ATP8A1: variants seen among roughly 807,000 people sequenced by gnomAD.
The protein encoded by ATP8A1 is ATPase phospholipid transporting 8A1.
In ATP8A1, 90 loss-of-function variants were observed where a neutral mutation model predicts 177.7. That is an observed-to-expected ratio of 0.51 (90% CI 0.43 to 0.60). ATP8A1 has a LOEUF of 0.60. Among genes scored for constraint, ATP8A1 ranks in the 20% least tolerant of loss-of-function variants. The probability of loss-of-function intolerance (pLI) is 0.00; values close to 1 mark genes in which losing one functional copy is unlikely to be tolerated. For missense variants in ATP8A1, 1,072 were observed against 1,392.8 expected (o/e 0.77, Z 3.67); for synonymous variants, 493 against 485.9 (o/e 1.01, Z -0.19).
chr4:42,464,451 G>A (rs1719511118), intron 27 of ATP8A1, among the ~76,000 whole-genome samples: 1 of 152,020 alleles, frequency 6.6e-6, no homozygotes, highest in Non-Finnish European at 1.5e-5. Flanking sequence ...TTTTAGTAGA[G>A]ACGAGGTTTC....
chr4:42,518,711 C>T (rs1029846457), intron 22 of ATP8A1, among the ~76,000 whole-genome samples: 5 of 152,130 alleles, frequency 3.3e-5, no homozygotes, highest in African/African-American at 7.2e-5. Flanking sequence ...TTATGGTCTA[C>T]GTAAAAATAG....
intron 25 of ATP8A1, among the ~76,000 whole-genome samples, chr4:42,485,239 T>C (rs1722072593): frequency 6.6e-6 from 1 of 152,184 alleles, no homozygotes; most frequent in African/African-American, 2.4e-5. Context: ...TGCAGGTAGA[T>C]AATGAATTTT....
At chr4:42,628,062 G>C (rs1369102416) in intron 1 of ATP8A1, among the ~76,000 whole-genome samples, 1 of 152,062 alleles carries the variant, frequency 6.6e-6, no homozygotes, top group Non-Finnish European at 1.5e-5. Context: ...ACCAGAATGG[G>C]AACTCCCTAG....
At chr4:42,578,429 T>G (rs199996393) in intron 11 of ATP8A1, 42 bp from the exon 12 acceptor site, 2 of 1,595,820 alleles carry the variant, frequency 1.3e-6, no homozygotes, top group African/African-American at 1.4e-5. Context: ...CAGTTTTATA[T>G]TTTATTTGCA....
chr4:42,518,211 C>T (rs926132177), intron 22 of ATP8A1, among the ~76,000 whole-genome samples: 4 of 152,164 alleles, frequency 2.6e-5, no homozygotes, highest in African/African-American at 7.2e-5. Flanking sequence ...TATAACATTT[C>T]CTCTTATTTT....
rs1056134348 is a variant in ATP8A1, at chr4:42,625,503, C to T, written c.264+111G>A. On this transcript the variant is annotated intron_variant, in intron 3 of 36. Transcript: ENST00000381668. Reference sequence around the variant, plus strand: ...GCTTGCAGCAGGAGCCAGAAATGTCCACCAAAACCAGCTTATCTCTCGGCA... The same window carrying T: ...GCTTGCAGCAGGAGCCAGAAATGTCTACCAAAACCAGCTTATCTCTCGGCA... 3 of 623,950 alleles carry T rather than the reference C, an allele frequency of 4.8e-6. No individual in the cohort carries two copies. In the African/African-American group the frequency reaches 5.7e-5, roughly 12 times the overall value. 38.7% of individuals were successfully genotyped at this position (623,950 alleles called of 1,614,324 possible).
chr4:42,612,148 A>G (rs1202492221), intron 5 of ATP8A1, among the ~76,000 whole-genome samples: 1 of 152,148 alleles, frequency 6.6e-6, no homozygotes, highest in Non-Finnish European at 1.5e-5. Flanking sequence ...TTTATCAGTG[A>G]CTGTGAAAGT....
At chr4:42,539,010 G>A (rs772339898) in intron 20 of ATP8A1, among the ~76,000 whole-genome samples, 3 of 152,030 alleles carry the variant, frequency 2.0e-5, no homozygotes, top group Non-Finnish European at 2.9e-5. Flanking sequence ...CAGCCCAGAC[G>A]CCCATAAATC....
intron 1 of ATP8A1, among the ~76,000 whole-genome samples, chr4:42,646,830 C>A (rs574491349): frequency 1.3e-5 from 2 of 152,184 alleles, no homozygotes; most frequent in African/African-American, 2.4e-5. Flanking sequence ...AAAACAGACA[C>A]CTCTCTTTGC....
chr4:42,598,223 T>C (rs1280532439), intron 6 of ATP8A1, among the ~76,000 whole-genome samples: 3 of 152,148 alleles, frequency 2.0e-5, no homozygotes, highest in Non-Finnish European at 2.9e-5. Flanking sequence ...TTAGCATAGG[T>C]TGTGACTTAG....
chr4:42,436,798 A>T (rs1716049820), intron 33 of ATP8A1, among the ~76,000 whole-genome samples: 1 of 152,222 alleles, frequency 6.6e-6, no homozygotes, highest in African/African-American at 2.4e-5. Context: ...AAATTACCAC[A>T]TGCTACGGAG....
chr4:42,456,278 C>G (rs1214887240), intron 27 of ATP8A1, among the ~76,000 whole-genome samples: 1 of 152,084 alleles, frequency 6.6e-6, no homozygotes, highest in Non-Finnish European at 1.5e-5. Flanking sequence ...ATAAATAACT[C>G]TAAACTGAAA....
At chr4:42,480,161 A>C (rs1045390197) in intron 25 of ATP8A1, among the ~76,000 whole-genome samples, 7 of 152,238 alleles carry the variant, frequency 4.6e-5, no homozygotes, top group Admixed American at 1.3e-4. Context: ...TTTTATTGTC[A>C]AATATAGACT....
At chr4:42,473,625 T>A (rs906909904) in intron 25 of ATP8A1, among the ~76,000 whole-genome samples, 1 of 151,796 alleles carries the variant, frequency 6.6e-6, no homozygotes, top group Non-Finnish European at 1.5e-5. Context: ...GGGATAAAGT[T>A]TTTTTATTTA....
intron 33 of ATP8A1, among the ~76,000 whole-genome samples, chr4:42,432,599 A>G (rs1439248259): frequency 6.6e-6 from 1 of 152,200 alleles, no homozygotes; most frequent in Non-Finnish European, 1.5e-5. Context: ...GTAGTTGGGC[A>G]TGGGGTTGAA....
chr4:42,505,330 C>T lies in ATP8A1; in HGVS notation c.2086+1686G>A, dbSNP rs556994003. Reference sequence around the variant, plus strand: ...AAATGTTAAATGTTACCAGAAACCACTACTATACTCTTTTTTCATAGGAAC... The same window carrying T: ...AAATGTTAAATGTTACCAGAAACCATTACTATACTCTTTTTTCATAGGAAC... On this transcript the variant is annotated intron_variant, in intron 23 of 36. Coordinates refer to ENST00000381668, the MANE Select transcript of ATP8A1 (RefSeq NM_006095.2). 2.6e-5 allele frequency among the ~76,000 whole-genome samples: 4 copies of T among 152,304 alleles called. No individual in the cohort carries two copies. The South Asian group carries it at 6.2e-4, about 24-fold the overall frequency.
chr4:42,534,273 T>G (rs1407153555), intron 20 of ATP8A1, among the ~76,000 whole-genome samples: 2 of 151,784 alleles, frequency 1.3e-5, no homozygotes, highest in African/African-American at 2.4e-5. Context: ...ATCCAAAAAA[T>G]GATGCAGGAT....
intron 35 of ATP8A1, among the ~76,000 whole-genome samples, chr4:42,422,011 GTCAGT>G (rs991840214): frequency 8.8e-4 from 134 of 152,098 alleles, no homozygotes; most frequent in African/African-American, 3.2e-3. Flanking sequence ...ACATATCTAG[GTCAGT>G]TCCTAATAAC....
At position 42,575,621 on chromosome 4, in the gene ATP8A1, C is replaced by T; in HGVS notation, c.1206+1G>A. 1.9e-6 allele frequency: 3 copies of T among 1,612,828 alleles called. No individual in the cohort carries two copies. The highest frequency in any genetic ancestry group is 2.5e-6 in the Non-Finnish European group (3 of 1,179,118). Reference sequence around the variant, plus strand: ...CATAATCAACAATAAATTGAGTTTACCTGGCCAAGTTCCTCATTCAGATTA... The same window carrying T: ...CATAATCAACAATAAATTGAGTTTATCTGGCCAAGTTCCTCATTCAGATTA... On this transcript the variant is annotated splice_donor_variant, in intron 13 of 36. Coordinates refer to ENST00000381668, the MANE Select transcript of ATP8A1 (RefSeq NM_006095.2). LOFTEE classifies it high-confidence loss of function.
Sources: gnomAD v4.1 joint callset for allele counts (sites outside exome capture counted in the v4.1 genomes callset) on GRCh38, gnomAD v4.1.1 for gene constraint, MANE v1.5 for transcripts, NCBI Gene and HGNC (gene_info 2026-07-23, HGNC 2026-07-21) for gene names.